Variants in BACE2 observed in about 807,000 individuals in gnomAD.
The protein encoded by BACE2 is beta-secretase 2.
A neutral mutation model predicts 46.2 loss-of-function variants in BACE2; 17 were observed. The ratio of observed to expected loss-of-function variants is 0.37; its 90% CI spans 0.25 to 0.55. The LOEUF (loss-of-function observed/expected upper bound fraction) is 0.55. Among genes scored for constraint, BACE2 ranks in the 20% least tolerant of loss-of-function variants. BACE2 has a pLI of 0.82. For missense variants in BACE2, 595 were observed against 698.1 expected (o/e 0.85, Z 1.66); for synonymous variants, 277 against 295.9 (o/e 0.94, Z 0.66).
chr21:41,250,913 G>T lies in BACE2; in HGVS notation c.1134+12G>T. 1 of 1,613,394 alleles carries T rather than the reference G, an allele frequency of 6.2e-7. No homozygotes were observed. Among genetic ancestry groups the T allele is most frequent in the South Asian group, 1.1e-5 (1 of 90,934 alleles). On this transcript the variant is annotated intron_variant, in intron 7 of 8. Coordinates refer to ENST00000330333, the MANE Select transcript of BACE2 (RefSeq NM_012105.5). ...CAATCCTGCCTCAGGTATGAACTTG[G>T]ATTTGTGCTTTGCTCTTTTTATCAT...
At chr21:41,194,324 A>G (rs543902232) in intron 1 of BACE2, among the ~76,000 whole-genome samples, 1 of 152,184 alleles carries the variant, frequency 6.6e-6, no homozygotes, top group East Asian at 1.9e-4. Context: ...TATCATATCT[A>G]GTTTTTGAAA....
chr21:41,246,979 A>G (rs1285878543), intron 6 of BACE2, among the ~76,000 whole-genome samples: 1 of 152,186 alleles, frequency 6.6e-6, no homozygotes, highest in Non-Finnish European at 1.5e-5. Flanking sequence ...ATGCGAGAGG[A>G]ACATGACTTT....
At chr21:41,211,462 G>A (rs1986301278) in intron 1 of BACE2, among the ~76,000 whole-genome samples, 2 of 152,174 alleles carry the variant, frequency 1.3e-5, no homozygotes, top group African/African-American at 4.8e-5. Flanking sequence ...TGGAGAAATG[G>A]CGCATGACAA....
chr21:41,183,503 G>A, intron 1 of BACE2: 1 of 166,520 alleles, frequency 6.0e-6, no homozygotes. Flanking sequence ...CATCTACCTG[G>A]CCAAATTTTG....
chr21:41,200,259 C>A (rs1247239383), intron 1 of BACE2, among the ~76,000 whole-genome samples: 1 of 151,534 alleles, frequency 6.6e-6, no homozygotes, highest in Non-Finnish European at 1.5e-5. Flanking sequence ...CTCTTTCTGG[C>A]TGGACTCTGA....
chr21:41,264,177 T>G (rs1988009384), intron 8 of BACE2, among the ~76,000 whole-genome samples: 1 of 152,098 alleles, frequency 6.6e-6, no homozygotes, highest in Non-Finnish European at 1.5e-5. Context: ...TTATTTTTAT[T>G]GTTTTTGGAT....
intron 1 of BACE2, among the ~76,000 whole-genome samples, chr21:41,217,314 C>T (rs1173879817): frequency 1.3e-5 from 2 of 152,164 alleles, no homozygotes; most frequent in Non-Finnish European, 2.9e-5. Context: ...TTTTTTAGGG[C>T]GATTGATGTT....
At chr21:41,236,015 G>A (rs528061627) in intron 2 of BACE2, among the ~76,000 whole-genome samples, 14 of 152,328 alleles carry the variant, frequency 9.2e-5, no homozygotes, top group Non-Finnish European at 1.9e-4. Context: ...GTGAAATCAA[G>A]CCTGCAGGTG....
chr21:41,264,589 GGAGAGA>G (rs138828726), intron 8 of BACE2, among the ~76,000 whole-genome samples: 2 of 151,020 alleles, frequency 1.3e-5, no homozygotes, highest in African/African-American at 4.9e-5. Context: ...CCAGAGCAAG[GGAGAGA>G]GAGAGAGAGG....
Position 41,280,289 on chromosome 21 carries a change from G to C in BACE2, c.*4665G>C, listed in dbSNP as rs142521565. The C allele has an allele frequency of 6.6e-6, 1 of 152,298 alleles. No homozygotes were observed. The highest frequency in any genetic ancestry group is 2.1e-4 in the South Asian group (1 of 4,826). 9.4% of individuals were successfully genotyped at this position (152,298 alleles called of 1,614,324 possible). ...CTGGCAGCAGTTACCTGACAGTGTCGTTGAGGGGCACGGCAGCTGGGCCCT... is the reference window on the plus strand; with the variant it reads ...CTGGCAGCAGTTACCTGACAGTGTCCTTGAGGGGCACGGCAGCTGGGCCCT... On this transcript the variant is annotated 3_prime_UTR_variant, in exon 9 of 9. Coordinates refer to ENST00000330333, the MANE Select transcript of BACE2 (RefSeq NM_012105.5).
intron 1 of BACE2, among the ~76,000 whole-genome samples, chr21:41,211,823 C>T (rs1337854618): frequency 1.3e-5 from 2 of 152,322 alleles, no homozygotes; most frequent in East Asian, 3.9e-4. Flanking sequence ...CCAGTTTTTC[C>T]CTTTAATGCA....
chr21:41,188,922 T>C (rs939548745), intron 1 of BACE2, among the ~76,000 whole-genome samples: 5 of 152,180 alleles, frequency 3.3e-5, no homozygotes, highest in African/African-American at 1.2e-4. Context: ...GTTACCGTGG[T>C]TCCTTAGCCC....
chr21:41,225,208 T>C (rs1452966392), intron 1 of BACE2, among the ~76,000 whole-genome samples: 1 of 148,610 alleles, frequency 6.7e-6, no homozygotes, highest in Non-Finnish European at 1.5e-5. Flanking sequence ...CACTCCAGCC[T>C]GAACGATAGA....
intron 1 of BACE2, among the ~76,000 whole-genome samples, chr21:41,169,299 A>G (rs1386178245): frequency 2.0e-5 from 3 of 152,072 alleles, no homozygotes; most frequent in Non-Finnish European, 2.9e-5. Flanking sequence ...CGGGAAAAAA[A>G]CAGGGGCTGA....
At chr21:41,238,562 A>G (rs1183574292) in intron 3 of BACE2, among the ~76,000 whole-genome samples, 1 of 152,120 alleles carries the variant, frequency 6.6e-6, no homozygotes, top group Non-Finnish European at 1.5e-5. Flanking sequence ...CCAAATGTCC[A>G]ACAATGATAG....
chr21:41,209,222 C>T (rs1292932648), intron 1 of BACE2, among the ~76,000 whole-genome samples: 4 of 152,214 alleles, frequency 2.6e-5, no homozygotes, highest in African/African-American at 9.6e-5. Context: ...CAGGTGCCTG[C>T]GCCTTCTGGG....
chr21:41,213,901 G>T (rs1054288675), intron 1 of BACE2, among the ~76,000 whole-genome samples: 6 of 152,048 alleles, frequency 3.9e-5, no homozygotes, highest in African/African-American at 1.4e-4. Context: ...TCCAGAATCA[G>T]CCATTTTCCT....
intron 8 of BACE2, among the ~76,000 whole-genome samples, chr21:41,257,759 A>C (rs1231318146): frequency 6.6e-6 from 1 of 152,188 alleles, no homozygotes; most frequent in African/African-American, 2.4e-5. Context: ...ATCCTAATAT[A>C]ATGAGACCAA....
chr21:41,178,665 A>T (rs1368815612), intron 1 of BACE2: 1 of 160,602 alleles, frequency 6.2e-6, no homozygotes, highest in African/African-American at 2.4e-5. Context: ...TGAGCTCAGG[A>T]GTTCAAGGCT....
Sources: allele counts gnomAD v4.1 joint callset (sites outside exome capture counted in the v4.1 genomes callset), GRCh38; gene constraint gnomAD v4.1.1; transcripts MANE v1.5; gene names NCBI Gene and HGNC (gene_info 2026-07-23, HGNC 2026-07-21).